The following BARD1 variants were observed in gnomAD, a reference collection of about 807,000 sequenced individuals.
BARD1 encodes the protein BRCA1-associated RING domain protein 1.
Under a neutral mutation model 77.0 loss-of-function variants are expected in BARD1, and 73 were observed. That is an observed-to-expected ratio of 0.95 (90% confidence interval 0.79 to 1.15). The LOEUF (loss-of-function observed/expected upper bound fraction) is 1.15, where lower values mean the gene tolerates loss of function less well. BARD1 is among the 50% of genes most tolerant of loss of function. The pLI, the probability that BARD1 is intolerant of heterozygous loss-of-function variation, is 0.00. For synonymous variants in BARD1, 384 were observed against 338.0 expected (o/e 1.14, Z -1.49); for missense variants, 993 against 938.8 (o/e 1.06, Z -0.75).
chr2:214,758,692 G>T (rs1303123493), intron 6 of BARD1, among the ~76,000 whole-genome samples: 2 of 152,170 alleles, frequency 1.3e-5, no homozygotes, highest in Non-Finnish European at 2.9e-5. Context: ...TGAGGAAAAG[G>T]AAGTACTTAT....
chr2:214,733,301 T>C (rs905785949), intron 9 of BARD1, among the ~76,000 whole-genome samples: 9 of 152,216 alleles, frequency 5.9e-5, no homozygotes, highest in Non-Finnish European at 5.9e-5. Flanking sequence ...CATAATTAGG[T>C]ATATCTTGGC....
chr2:214,728,063 A>G lies in BARD1; in HGVS notation c.*613T>C. On this transcript the variant is annotated 3_prime_UTR_variant, in exon 11 of 11. Transcript: ENST00000260947. Reference sequence around the variant, plus strand: ...CACACACACAAAAAAACCAATGTTAATGATTAAATCACAATTTCCTGATGA... The same window carrying G: ...CACACACACAAAAAAACCAATGTTAGTGATTAAATCACAATTTCCTGATGA... The G allele has an allele frequency of 8.8e-6, 2 of 226,986 alleles. No homozygotes were observed. The highest frequency in any genetic ancestry group is 1.8e-5 in the Non-Finnish European group (2 of 114,176). 14.1% of individuals were successfully genotyped at this position (226,986 alleles called of 1,614,324 possible).
At chr2:214,745,964 T>C (rs1693096479) in intron 7 of BARD1, 110 bp from the exon 8 acceptor site, 4 of 1,290,940 alleles carry the variant, frequency 3.1e-6, no homozygotes, top group Non-Finnish European at 4.4e-6. Context: ...TAGTTTACTC[T>C]AATAATTTTC....
In BARD1 at chr2:214,809,499, G is replaced by A. The variant is rs863224674; in HGVS notation, c.71C>T (p.Pro24Leu). The change falls in exon 1 of 11, where the codon CCC becomes CTC. Residue 24 changes from proline to leucine, a missense_variant. Coordinates refer to ENST00000260947, the MANE Select transcript of BARD1 (RefSeq NM_000465.4). ...IRSGNEPRSA[P>L]AMEPDGRGAW... ...ACCGCGACCATCCGGTTCCATGGCG[G>A]GCGCGGAACGAGGCTCGTTCCCGGA... 6.2e-7 allele frequency: 1 copy of A among 1,605,952 alleles called. No individual in the cohort carries two copies.
chr2:214,785,740 A>AAAG (rs1239070420), intron 3 of BARD1, among the ~76,000 whole-genome samples: 1 of 151,956 alleles, frequency 6.6e-6, no homozygotes, highest in Non-Finnish European at 1.5e-5. Context: ...AAAGAAAGAA[A>AAAG]AAGAAGAACA....
At chr2:214,737,847 T>G (rs1474687050) in intron 9 of BARD1, among the ~76,000 whole-genome samples, 2 of 152,184 alleles carry the variant, frequency 1.3e-5, no homozygotes, top group Non-Finnish European at 2.9e-5. Context: ...AGTTACATTT[T>G]AAGATTTAAA....
At chr2:214,748,596 T>C (rs1021901079) in intron 7 of BARD1, among the ~76,000 whole-genome samples, 4 of 152,078 alleles carry the variant, frequency 2.6e-5, no homozygotes, top group African/African-American at 9.7e-5. Flanking sequence ...AATGAATGAA[T>C]GATAAGGAGT....
chr2:214,780,606 T>C lies in BARD1; in HGVS notation c.1268A>G (p.Lys423Arg), dbSNP rs749383704. The change falls in exon 4 of 11, where the codon AAA becomes AGA. Residue 423 changes from lysine (K) to arginine (R), a missense_variant. By Grantham distance (26) the Lys-to-Arg change is conservative. Coordinates refer to ENST00000260947, the MANE Select transcript of BARD1 (RefSeq NM_000465.4). The stretch of plus-strand genomic sequence containing the variant: ...CAAAGTCTCTCCTCTATGATTTCTT[T>C]TCACAGCCATATTGGGCAACAGCTT... ...AMKLLPNMAV[K>R]RNHRGETLLH... 5.0e-6 allele frequency: 8 copies of C among 1,613,948 alleles called. No homozygotes were observed. In the African/African-American group the frequency reaches 9.3e-5, roughly 19 times the overall value.
At chr2:214,796,968 A>G (rs995795526) in intron 2 of BARD1, 93 bp downstream of exon 2, 1 of 1,014,706 alleles carries the variant, frequency 9.9e-7, no homozygotes, top group African/African-American at 1.6e-5. Context: ...AAGTTACACA[A>G]ACATCAAGTA....
At chr2:214,731,309 G>T (rs1424980534) in intron 9 of BARD1, among the ~76,000 whole-genome samples, 1 of 152,158 alleles carries the variant, frequency 6.6e-6, no homozygotes, top group Admixed American at 6.5e-5. Context: ...AGTACCAATT[G>T]TCTCGCTAGG....
At chr2:214,794,201 T>C (rs1316697763) in intron 2 of BARD1, among the ~76,000 whole-genome samples, 1 of 152,106 alleles carries the variant, frequency 6.6e-6, no homozygotes, top group Non-Finnish European at 1.5e-5. Context: ...TAGTGAGCCA[T>C]GATCGCGCCA....
At chr2:214,766,396 A>T (rs1694196982) in intron 6 of BARD1, among the ~76,000 whole-genome samples, 1 of 152,244 alleles carries the variant, frequency 6.6e-6, no homozygotes, top group African/African-American at 2.4e-5. Context: ...GAAATATTTA[A>T]AATAATTCCA....
rs1692141288 is a variant in BARD1 at position 214,727,728 on chromosome 2, T to C, written c.*948A>G. The C allele has an allele frequency of 4.4e-6, 1 of 228,346 alleles. No homozygotes were observed. The highest frequency in any genetic ancestry group is 1.8e-4 in the South Asian group (1 of 5,470). The allele number at this position is 228,346 out of a possible 1,614,324, so 14.1% of individuals were successfully genotyped here. A position where few individuals can be genotyped will look rare whatever the true frequency, so the allele number is the denominator to read the frequency against. On this transcript the variant is annotated 3_prime_UTR_variant, in exon 11 of 11. Coordinates refer to ENST00000260947, the MANE Select transcript of BARD1 (RefSeq NM_000465.4). ...AAGTAATCACCAACTTCTGCCTCCATGCCAACCTAAAAACTTTAAAAAAAA... is the reference window on the plus strand; with the variant it reads ...AAGTAATCACCAACTTCTGCCTCCACGCCAACCTAAAAACTTTAAAAAAAA...
chr2:214,780,401 T>C (rs1694928056), intron 4 of BARD1, among the ~76,000 whole-genome samples, 159 bp downstream of exon 4: 1 of 152,224 alleles, frequency 6.6e-6, no homozygotes, highest in Non-Finnish European at 1.5e-5. Context: ...GAAGTAGAGA[T>C]GCTCTCCCTA....
chr2:214,781,217 A>AT lies in BARD1; in HGVS notation c.656dup (p.Asn219LysfsTer10). 6.3e-7 allele frequency: 1 copy of AT among 1,593,842 alleles called. No individual in the cohort carries two copies. Among genetic ancestry groups the AT allele is most frequent in the Non-Finnish European group, 8.5e-7 (1 of 1,175,180 alleles). ...CACCATCTTCTTTTTCTGCCTCTAAATTCCATTTTTGGTTGATTTCAGCTA... is the reference window on the plus strand; with the variant it reads ...CACCATCTTCTTTTTCTGCCTCTAAATTTCCATTTTTGGTTGATTTCAGCTA... On this transcript the variant is annotated frameshift_variant, in exon 4 of 11. Transcript: ENST00000260947. LOFTEE classifies it high-confidence loss of function.
intron 6 of BARD1, among the ~76,000 whole-genome samples, chr2:214,764,368 C>T (rs76738144): frequency 0.027 from 4,060 of 152,180 alleles, 84 homozygotes; most frequent in Middle Eastern, 0.058. Flanking sequence ...GGGAGAAGTA[C>T]CACATCAGGA....
intron 4 of BARD1, among the ~76,000 whole-genome samples, chr2:214,775,980 A>C (rs1694722002): frequency 6.6e-6 from 1 of 152,230 alleles, no homozygotes; most frequent in South Asian, 2.1e-4. Flanking sequence ...TACAAAGTTA[A>C]ACTCTAAATG....
chr2:214,728,850 G>C lies in BARD1; in HGVS notation c.2160C>G (p.Val720=), dbSNP rs137888190. ...CAGAATCGGGTCTCGCATGGTATGC[G>C]ACTGTATTGATGGTCTGAGTCACGT... ...DSDVTQTINT[V]AYHARPDSDQ... Residue 720 remains valine (V), a synonymous_variant, in exon 11 of 11, where the codon GTC becomes GTG. Coordinates refer to ENST00000260947, the MANE Select transcript of BARD1 (RefSeq NM_000465.4). 3 of 1,614,034 alleles carry C rather than the reference G, an allele frequency of 1.9e-6. No homozygotes were observed. In the African/African-American group the frequency reaches 4.0e-5, roughly 22 times the overall value.
Position 214,781,260 on chromosome 2 carries a change from T to A in BARD1, c.614A>T (p.Lys205Met), listed in dbSNP as rs587782437. 1 of 1,594,792 alleles carries A rather than the reference T, an allele frequency of 6.3e-7. No homozygotes were observed. Among genetic ancestry groups the A allele is most frequent in the South Asian group, 1.2e-5 (1 of 85,862 alleles). ...AKKASARSGKKQKKKTLAEIN... is the reference protein window; with the variant it reads ...AKKASARSGKMQKKKTLAEIN... ...TTCAGCTAAAGTTTTCTTTTTTTGC[T>A]TTTTTCCAGATCTTGCAGAAGCCTT... The change falls in exon 4 of 11, where the codon AAG becomes ATG. Residue 205 changes from lysine (K) to methionine (M), a missense_variant. Lys to Met is a moderately conservative substitution (Grantham distance 95). Coordinates refer to ENST00000260947, the MANE Select transcript of BARD1 (RefSeq NM_000465.4).
Sources: allele counts gnomAD v4.1 joint callset (sites outside exome capture counted in the v4.1 genomes callset), GRCh38; gene constraint gnomAD v4.1.1; transcripts MANE v1.5; gene names NCBI Gene and HGNC (gene_info 2026-07-23, HGNC 2026-07-21).